C1GALT1: variants seen among roughly 807,000 people sequenced by gnomAD.
The protein encoded by C1GALT1 is glycoprotein-N-acetylgalactosamine 3-beta-galactosyltransferase 1.
A neutral mutation model predicts 31.0 loss-of-function variants in C1GALT1; 11 were observed. The observed-to-expected ratio is 0.36, with a 90% CI of 0.22 to 0.59. The LOEUF (loss-of-function observed/expected upper bound fraction) is 0.59, where lower values mean the gene tolerates loss of function less well. Among genes scored for constraint, C1GALT1 ranks in the 20% least tolerant of loss-of-function variants. The pLI is 0.79. For missense variants in C1GALT1, 424 were observed against 425.2 expected (o/e 1.00, Z 0.03); for synonymous variants, 175 against 143.6 (o/e 1.22, Z -1.56).
chr7:7,232,406 T>C (rs1783120571), intron 1 of C1GALT1, among the ~76,000 whole-genome samples: 1 of 152,164 alleles, frequency 6.6e-6, no homozygotes, highest in Non-Finnish European at 1.5e-5. Flanking sequence ...CCCAGACCTC[T>C]ACTTTCACTG....
chr7:7,197,749 G>T (rs1298622658), intron 1 of C1GALT1, among the ~76,000 whole-genome samples: 1 of 152,044 alleles, frequency 6.6e-6, no homozygotes, highest in African/African-American at 2.4e-5. Flanking sequence ...CCTTGAAGAG[G>T]TCCTTCACAT....
rs1309458711 is a variant in C1GALT1, at chr7:7,172,722, C to A, written c.-18+15296C>A. Among the ~76,000 whole-genome samples the A allele has an allele frequency of 2.6e-5, 4 of 152,138 alleles. 1 individual carries two copies. The highest frequency in any genetic ancestry group is 2.0e-4 in the Admixed American group (3 of 15,274). On this transcript the variant is annotated intron_variant, in intron 2 of 3. Coordinates refer to the C1GALT1 transcript ENST00000429911. ...ACAGAGAATTCCCATATATTCCTTA[C>A]TCTCACACAAATACAGCCTCCCCCA...
At chr7:7,187,978 G>T (rs1780894722) in intron 1 of C1GALT1, among the ~76,000 whole-genome samples, 1 of 150,568 alleles carries the variant, frequency 6.6e-6, no homozygotes, top group South Asian at 2.1e-4. Flanking sequence ...GACATGGTCA[G>T]CTTTTCATTT....
intron 1 of C1GALT1, among the ~76,000 whole-genome samples, chr7:7,217,584 T>C (rs1334621363): frequency 6.6e-6 from 1 of 152,224 alleles, no homozygotes; most frequent in Non-Finnish European, 1.5e-5. Flanking sequence ...TTTAATAAGA[T>C]AGAAACTTCT....
intron 2 of C1GALT1, chr7:7,235,059 T>A (rs937476329): frequency 6.6e-6 from 1 of 152,498 alleles, no homozygotes; most frequent in African/African-American, 2.4e-5. Flanking sequence ...TCTAACCAGA[T>A]TTTCTCAGTT....
intron 1 of C1GALT1, among the ~76,000 whole-genome samples, chr7:7,229,390 T>G (rs1040646566): frequency 6.6e-6 from 1 of 152,166 alleles, no homozygotes; most frequent in African/African-American, 2.4e-5. Context: ...TTCAATCGTA[T>G]TCTGCTTGTC....
At chr7:7,171,910 A>G (rs1306944353) in intron 2 of C1GALT1, among the ~76,000 whole-genome samples, 1 of 152,150 alleles carries the variant, frequency 6.6e-6, no homozygotes, top group Non-Finnish European at 1.5e-5. Flanking sequence ...GTCTTTTTAC[A>G]TCTTTAACAT....
intron 1 of C1GALT1, among the ~76,000 whole-genome samples, chr7:7,211,124 T>C: frequency 6.6e-6 from 1 of 152,126 alleles, no homozygotes; most frequent in East Asian, 1.9e-4. Flanking sequence ...CATGTCCATG[T>C]GTGGATCAGT....
At chr7:7,207,749 A>G (rs140346838) in intron 1 of C1GALT1, among the ~76,000 whole-genome samples, 43 of 149,410 alleles carry the variant, frequency 2.9e-4, no homozygotes, top group African/African-American at 1.0e-3. Context: ...AATTCTGGAA[A>G]TTAGGTAGTA....
At chr7:7,243,415 C>G (rs575981570) in intron 3 of C1GALT1, 109 bp from the exon 4 acceptor site, 1 of 913,448 alleles carries the variant, frequency 1.1e-6, no homozygotes, top group South Asian at 1.8e-5. Flanking sequence ...ACCTTGCCAT[C>G]TTTAATGTTT....
At chr7:7,173,923 G>A (rs1352013340) in intron 2 of C1GALT1, among the ~76,000 whole-genome samples, 3 of 151,830 alleles carry the variant, frequency 2.0e-5, no homozygotes, top group Admixed American at 2.0e-4. Context: ...TTTTAAAATA[G>A]GAAAAAAATA....
chr7:7,168,715 A>C (rs1456007734), intron 2 of C1GALT1, among the ~76,000 whole-genome samples: 1 of 152,220 alleles, frequency 6.6e-6, no homozygotes, highest in Non-Finnish European at 1.5e-5. Context: ...GCATACTTTA[A>C]TTACCTGTAA....
At chr7:7,171,031 A>G (rs1264971019) in intron 2 of C1GALT1, among the ~76,000 whole-genome samples, 1 of 152,318 alleles carries the variant, frequency 6.6e-6, no homozygotes, top group East Asian at 1.9e-4. Flanking sequence ...GGCTTAACAT[A>G]TCATCTATCC....
At position 7,234,555 on chromosome 7, in the gene C1GALT1, T is replaced by C. The variant is rs1562594706; in HGVS notation, c.220+16T>C. 6.3e-7 allele frequency: 1 copy of C among 1,576,422 alleles called. No individual in the cohort carries two copies. The highest frequency in any genetic ancestry group is 8.7e-7 in the Non-Finnish European group (1 of 1,146,900). ...CAACATAAAGGTATGGTTTACTTTATTAAGCAGTAAACATAAGCAGTATTT... is the reference window on the plus strand; with the variant it reads ...CAACATAAAGGTATGGTTTACTTTACTAAGCAGTAAACATAAGCAGTATTT... On this transcript the variant is annotated intron_variant, in intron 2 of 3. Transcript: ENST00000436587.
In C1GALT1 at chr7:7,157,864, G is replaced by C. The variant is rs1182640756; in HGVS notation, c.-18+438G>C. On this transcript the variant is annotated intron_variant, in intron 2 of 3. Transcript: ENST00000429911. ...TGAGATCTCTTTTCCTTTAAAATCA[G>C]ACTTTATTTGAGAACTGTCTTTTTG... Among the ~76,000 whole-genome samples, 5 of 152,144 alleles carry C rather than the reference G, an allele frequency of 3.3e-5. No homozygotes were observed. In the East Asian group the frequency reaches 9.7e-4, roughly 29 times the overall value.
chr7:7,194,570 T>C (rs1781206862), intron 1 of C1GALT1, among the ~76,000 whole-genome samples: 1 of 152,190 alleles, frequency 6.6e-6, no homozygotes, highest in Non-Finnish European at 1.5e-5. Context: ...TGGATTCGGC[T>C]AGCTAGTATT....
chr7:7,203,654 T>G (rs951124904), intron 1 of C1GALT1, among the ~76,000 whole-genome samples: 1 of 149,538 alleles, frequency 6.7e-6, no homozygotes, highest in Non-Finnish European at 1.5e-5. Flanking sequence ...TGGTTTGTAG[T>G]TTTTTTTTTC....
chr7:7,182,942 C>T (rs547631038), intron 1 of C1GALT1, 122 bp downstream of exon 1: 1 of 731,830 alleles, frequency 1.4e-6, no homozygotes, highest in Non-Finnish European at 1.7e-6. Flanking sequence ...CGCGGCGGAA[C>T]AGGTGTCTCG....
intron 2 of C1GALT1, among the ~76,000 whole-genome samples, chr7:7,175,284 G>A (rs1780493274): frequency 6.6e-6 from 1 of 152,336 alleles, no homozygotes; most frequent in Non-Finnish European, 1.5e-5. Flanking sequence ...TCGAATGCCA[G>A]AAGCTCTCAC....
Sources: allele counts gnomAD v4.1 joint callset (sites outside exome capture counted in the v4.1 genomes callset), GRCh38; gene constraint gnomAD v4.1.1; transcripts MANE v1.5; gene names NCBI Gene and HGNC (gene_info 2026-07-23, HGNC 2026-07-21).